CEP63: variants seen among roughly 807,000 people sequenced by gnomAD.
CEP63 encodes the protein centrosomal protein 63.
A neutral mutation model predicts 89.1 loss-of-function variants in CEP63; 84 were observed. The observed-to-expected ratio is 0.94, with a 90% confidence interval of 0.79 to 1.13. The LOEUF (loss-of-function observed/expected upper bound fraction) is 1.13. Ranked by LOEUF, CEP63 falls within the 50% of genes most tolerant of loss-of-function variation. The pLI, the probability that CEP63 is intolerant of heterozygous loss-of-function variation, is 0.00. For synonymous variants in CEP63, 267 were observed against 272.5 expected, an observed-to-expected ratio of 0.98 and a Z score of 0.20; for missense variants, 838 against 813.3, an observed-to-expected ratio of 1.03 and a Z score of -0.37.
intron 12 of CEP63, among the ~76,000 whole-genome samples, chr3:134,553,769 T>C (rs528036486): frequency 6.2e-4 from 94 of 152,324 alleles, no homozygotes; most frequent in Middle Eastern, 3.4e-3. Context: ...AGCCTCTAAA[T>C]TCCTGGGTCA....
At position 134,561,771 on chromosome 3, in the gene CEP63, T is replaced by C. The variant is rs1164830531; in HGVS notation, c.*236T>C. 6.0e-6 allele frequency: 8 copies of C among 1,327,950 alleles called. No homozygotes were observed. The highest frequency in any genetic ancestry group is 7.7e-6 in the Non-Finnish European group (8 of 1,037,576). The allele number at this position is 1,327,950 out of a possible 1,614,324, so 82.3% of individuals were successfully genotyped here. A position where few individuals can be genotyped will look rare whatever the true frequency, so the allele number is the denominator to read the frequency against. ...AAGAATAAACCACTTTGCTAGACTT[T>C]TTTCTCATACGAATATTTATTATCA... On this transcript the variant is annotated 3_prime_UTR_variant, in exon 15 of 15. Coordinates refer to ENST00000675561, the MANE Select transcript of CEP63 (RefSeq NM_001353108.3).
the CEP63 span, among the ~76,000 whole-genome samples, chr3:134,618,043 AC>A: frequency 3.3e-5 from 5 of 152,036 alleles, no homozygotes; most frequent in South Asian, 1.0e-3. Flanking sequence ...CATATTCTGT[AC>A]CCTGACCCAC....
At chr3:134,652,931 G>A in the CEP63 span, among the ~76,000 whole-genome samples, 158 of 152,260 alleles carry the variant, frequency 1.0e-3, no homozygotes, top group Non-Finnish European at 1.1e-3. Flanking sequence ...GGGAGCTGAA[G>A]TCCCCTTTCC....
chr3:134,722,136 A>G, the CEP63 span, among the ~76,000 whole-genome samples: 1 of 152,094 alleles, frequency 6.6e-6, no homozygotes, highest in African/African-American at 2.4e-5. Flanking sequence ...AATATTACAT[A>G]TTTGATGTCT....
the CEP63 span, among the ~76,000 whole-genome samples, chr3:134,599,055 A>G: frequency 1.5e-3 from 228 of 152,230 alleles, 5 homozygotes; most frequent in South Asian, 0.045. Flanking sequence ...GGCCCTTCAG[A>G]TGTTCCACAG....
the CEP63 span, among the ~76,000 whole-genome samples, chr3:134,673,167 T>A: frequency 1.3e-5 from 2 of 152,170 alleles, no homozygotes; most frequent in Admixed American, 1.3e-4. Flanking sequence ...AAGACTGTAA[T>A]CATTAAGGAG....
the CEP63 span, among the ~76,000 whole-genome samples, chr3:134,614,012 TATC>T: frequency 6.6e-6 from 1 of 152,042 alleles, no homozygotes; most frequent in Non-Finnish European, 1.5e-5. Context: ...CATAAAAAAA[TATC>T]ATATCCCCAA....
chr3:134,655,554 C>A, the CEP63 span, among the ~76,000 whole-genome samples: 5 of 152,284 alleles, frequency 3.3e-5, no homozygotes, highest in East Asian at 9.6e-4. Flanking sequence ...CCCAAGGTCT[C>A]ACATGTGTCT....
At chr3:134,561,173 C>T (rs1329936445) in intron 14 of CEP63, among the ~76,000 whole-genome samples, 4 of 152,066 alleles carry the variant, frequency 2.6e-5, no homozygotes, top group Admixed American at 1.3e-4. Context: ...GGGTCAGAAA[C>T]GGAGAGATCT....
At chr3:134,604,329 G>A in the CEP63 span, 2 of 1,613,904 alleles carry the variant, frequency 1.2e-6, no homozygotes, top group African/African-American at 1.3e-5. Context: ...TCTGCAGCTT[G>A]TGAGTGCCCA....
chr3:134,710,462 C>T, the CEP63 span, among the ~76,000 whole-genome samples: 1 of 152,160 alleles, frequency 6.6e-6, no homozygotes, highest in Non-Finnish European at 1.5e-5. Context: ...TCTCTTGGAA[C>T]AAGCGAAAAT....
chr3:134,575,153 TCCGTCCCCCTTC>T (rs1958169555), downstream of CEP63: 6 of 199,124 alleles, frequency 3.0e-5, no homozygotes, highest in Admixed American at 1.7e-4. Context: ...CGTCCCTCCC[TCCGTCCCCCTTC>T]CCCTCCCTCC....
rs1194845735 is a variant in CEP63 at position 134,558,266 on chromosome 3, C to T, written c.1592C>T (p.Thr531Ile). The change falls in exon 13 of 15, where the codon ACT (threonine) becomes ATT (isoleucine). Residue 531 changes from threonine to isoleucine, a missense_variant. Coordinates refer to ENST00000675561, the MANE Select transcript of CEP63 (RefSeq NM_001353108.3). ...MNTKSQLEIS[T>I]QMCKKQNDRI... is the part of the protein sequence containing the mutation. ...ACCAAATCTCAGCTGGAGATTTCTA[C>T]TCAGATGTGCAAAAAACAAAATGAC... 6.2e-7 allele frequency: 1 copy of T among 1,613,724 alleles called. No individual in the cohort carries two copies. Among genetic ancestry groups the T allele is most frequent in the East Asian group, 2.2e-5 (1 of 44,818 alleles).
downstream of CEP63, among the ~76,000 whole-genome samples, chr3:134,568,156 A>C (rs1400610509): frequency 6.6e-6 from 1 of 152,146 alleles, no homozygotes; most frequent in Non-Finnish European, 1.5e-5. Context: ...TGGATGGGCT[A>C]ATCATCAGTT....
At chr3:134,587,036 C>T (rs1200772980) in intron 10 of CEP63, among the ~76,000 whole-genome samples, 1 of 152,154 alleles carries the variant, frequency 6.6e-6, no homozygotes, top group Non-Finnish European at 1.5e-5. Context: ...TGGTTTTCAG[C>T]TCCATCAGGT....
chr3:134,492,088 T>A (rs912043094), intron 1 of CEP63, among the ~76,000 whole-genome samples: 1 of 148,316 alleles, frequency 6.7e-6, no homozygotes, highest in Non-Finnish European at 1.5e-5. Flanking sequence ...TTTTTTTTTT[T>A]TTTGAGACGG....
intron 3 of CEP63, among the ~76,000 whole-genome samples, chr3:134,525,566 G>A (rs1423477135): frequency 6.6e-6 from 1 of 152,112 alleles, no homozygotes; most frequent in Non-Finnish European, 1.5e-5. Context: ...ATTCTCTCAT[G>A]ATGATGTTAG....
At chr3:134,530,780 A>G (rs890440415) in intron 3 of CEP63, among the ~76,000 whole-genome samples, 1 of 152,198 alleles carries the variant, frequency 6.6e-6, no homozygotes. Context: ...TTACAAAAAT[A>G]AATTCCACTA....
chr3:134,756,770 T>A, the CEP63 span, among the ~76,000 whole-genome samples: 1 of 152,134 alleles, frequency 6.6e-6, no homozygotes, highest in Non-Finnish European at 1.5e-5. Context: ...TGGAAACCAG[T>A]CCTGCCCTGA....
Sources: allele counts gnomAD v4.1 joint callset (sites outside exome capture counted in the v4.1 genomes callset), GRCh38; gene constraint gnomAD v4.1.1; transcripts MANE v1.5; gene names NCBI Gene and HGNC (gene_info 2026-07-23, HGNC 2026-07-21).